The following ACACB variants were observed in gnomAD, a reference collection of about 807,000 sequenced individuals.
ACACB encodes acetyl-CoA carboxylase beta.
ACACB carries 209 observed loss-of-function variants against 278.8 expected under a neutral mutation model. The observed-to-expected ratio is 0.75, with a 90% CI of 0.67 to 0.84. The LOEUF is 0.84. Among genes scored for constraint, ACACB ranks in the 40% least tolerant of loss-of-function variants. The pLI is 0.00. For synonymous variants in ACACB, 1,174 were observed against 1,285.6 expected (o/e 0.91, Z 1.86); for missense variants, 2,850 against 3,269.0 (o/e 0.87, Z 3.13).
rs189667823 is a variant in ACACB at position 109,162,794 on chromosome 12, C to T, written c.654-4067C>T. 3.9e-3 allele frequency among the ~76,000 whole-genome samples: 593 copies of T among 152,298 alleles called. 6 individuals are homozygous for T. Among genetic ancestry groups the T allele is most frequent in the South Asian group, 8.1e-3 (39 of 4,816 alleles). Reference sequence around the variant, plus strand: ...CAAAGATACTGACTCAGGGGATCCCCAACGCACTCCTACCTCACCCTACAT... The same window carrying T: ...CAAAGATACTGACTCAGGGGATCCCTAACGCACTCCTACCTCACCCTACAT... On this transcript the variant is annotated intron_variant, in intron 2 of 52. Transcript: ENST00000338432.
At chr12:109,197,731 G>T (rs2045191265) in intron 17 of ACACB, among the ~76,000 whole-genome samples, 1 of 152,080 alleles carries the variant, frequency 6.6e-6, no homozygotes, top group Non-Finnish European at 1.5e-5. Flanking sequence ...CCTCCAGTGT[G>T]TCTGATCACC....
At chr12:109,146,028 T>A (rs1356291231) in intron 2 of ACACB, among the ~76,000 whole-genome samples, 1 of 152,052 alleles carries the variant, frequency 6.6e-6, no homozygotes, top group Non-Finnish European at 1.5e-5. Context: ...ATTATTATTA[T>A]TTTTTCTTGA....
At chr12:109,258,218 T>C (rs2047281184) in intron 45 of ACACB, 50 bp from the exon 46 acceptor site, 1 of 1,464,910 alleles carries the variant, frequency 6.8e-7, no homozygotes, top group South Asian at 1.2e-5. Flanking sequence ...GGTCCCCAAA[T>C]GCACCTGGGG....
chr12:109,168,098 C>T lies in ACACB; in HGVS notation c.925+64C>T, dbSNP rs559963888. 7 of 1,539,848 alleles carry T rather than the reference C, an allele frequency of 4.5e-6. No individual in the cohort carries two copies. In the South Asian group the frequency reaches 8.7e-5, roughly 19 times the overall value. ...TCCTTGCCTGCCCTCGCCTCCTTCC[C>T]CTGTGCCTAGGCAAGTCCATCCTGG... On this transcript the variant is annotated intron_variant, in intron 4 of 52. Coordinates refer to ENST00000338432, the MANE Select transcript of ACACB (RefSeq NM_001093.4).
intron 11 of ACACB, among the ~76,000 whole-genome samples, 191 bp downstream of exon 11, chr12:109,180,278 C>T (rs1307835859): frequency 6.6e-6 from 1 of 152,208 alleles, no homozygotes; most frequent in Non-Finnish European, 1.5e-5. Flanking sequence ...AATTTCAGGA[C>T]ATTCATAGAC....
intron 2 of ACACB, among the ~76,000 whole-genome samples, chr12:109,148,370 C>A (rs963049046): frequency 6.6e-6 from 1 of 152,158 alleles, no homozygotes; most frequent in African/African-American, 2.4e-5. Flanking sequence ...CACTCAGGTT[C>A]AAAGCTACCT....
Position 109,209,075 on chromosome 12 carries a change from A to T in ACACB, c.3061-90A>T, listed in dbSNP as rs1171053683. On this transcript the variant is annotated intron_variant, in intron 20 of 52. Coordinates refer to ENST00000338432, the MANE Select transcript of ACACB (RefSeq NM_001093.4). ...AGCCACTTGAGTGCATGGGGTCAGG[A>T]TGGGTTGAGCTGTGTTGGGTGCCCT... 5.7e-6 allele frequency: 8 copies of T among 1,410,150 alleles called. No homozygotes were observed. In the Admixed American group the frequency reaches 1.5e-4, roughly 26 times the overall value. 87.4% of individuals were successfully genotyped at this position (1,410,150 alleles called of 1,614,324 possible). A position where few individuals can be genotyped will look rare whatever the true frequency, so the allele number is the denominator to read the frequency against.
chr12:109,111,424 G>C, the ACACB span: 8 of 152,250 alleles, frequency 5.3e-5, no homozygotes, highest in African/African-American at 1.7e-4. Context: ...TGAGGCCAGG[G>C]CTCCAGGAAG....
In ACACB at chr12:109,139,409, G is replaced by T. The variant is rs757532146; in HGVS notation, c.4G>T (p.Val2Phe). 16 of 1,611,422 alleles carry T rather than the reference G, an allele frequency of 9.9e-6. No individual in the cohort carries two copies. The highest frequency in any genetic ancestry group is 1.4e-5 in the Non-Finnish European group (16 of 1,178,562). The change falls in exon 2 of 53, where the codon GTC becomes TTC. Residue 2 changes from valine to phenylalanine, a missense_variant. Physicochemically the swap from Val to Phe is conservative, Grantham distance 50 (BLOSUM62 -1). Around this residue, in one of 3 missense-constraint regions of ACACB, gnomAD observed 2,265 missense variants for 2,561.3 expected, o/e 0.88. Coordinates refer to ENST00000338432, the MANE Select transcript of ACACB (RefSeq NM_001093.4). M[V>F]LLLCLSCLIF... Reference sequence around the variant, plus strand: ...TTTCTCCTTACAGATTTTCTGAATGGTCTTGCTTCTTTGTCTATCTTGTCT... The same window carrying T: ...TTTCTCCTTACAGATTTTCTGAATGTTCTTGCTTCTTTGTCTATCTTGTCT...
At chr12:109,196,965 C>T (rs1307843524) in intron 16 of ACACB, 43 bp from the exon 17 acceptor site, 8 of 1,504,032 alleles carry the variant, frequency 5.3e-6, no homozygotes, top group East Asian at 2.6e-5. Context: ...GCTCTGGGAG[C>T]ACATCCTGAA....
intron 44 of ACACB, among the ~76,000 whole-genome samples, chr12:109,255,566 T>A (rs1205227025): frequency 1.3e-5 from 2 of 152,220 alleles, no homozygotes; most frequent in African/African-American, 4.8e-5. Flanking sequence ...CTGAGATGCC[T>A]CTTACTCTGG....
chr12:109,206,917 G>A lies in ACACB; in HGVS notation c.3060+61G>A, dbSNP rs191232998. 46 of 1,577,672 alleles carry A rather than the reference G, an allele frequency of 2.9e-5. No individual in the cohort carries two copies. The East Asian group carries it at 7.6e-4, about 26-fold the overall frequency. On this transcript the variant is annotated intron_variant, in intron 20 of 52. Transcript: ENST00000338432. ...TGCGGAGGGTCAGAAGATCTACCCC[G>A]TGACAGCAGAGGTCATTATTGAGTA...
intron 11 of ACACB, among the ~76,000 whole-genome samples, chr12:109,182,447 A>T (rs2044510541): frequency 6.6e-6 from 1 of 152,176 alleles, no homozygotes; most frequent in Non-Finnish European, 1.5e-5. Context: ...GGCTCACTGC[A>T]GTCTTGACCT....
chr12:109,206,206 C>T (rs925317763), intron 19 of ACACB, among the ~76,000 whole-genome samples: 1 of 151,970 alleles, frequency 6.6e-6, no homozygotes, highest in African/African-American at 2.4e-5. Context: ...GAGGCCAAGG[C>T]GGGCAGATCA....
At chr12:109,224,173 T>C (rs2046253511) in intron 27 of ACACB, among the ~76,000 whole-genome samples, 1 of 152,154 alleles carries the variant, frequency 6.6e-6, no homozygotes, top group Non-Finnish European at 1.5e-5. Flanking sequence ...TCCATGCTAG[T>C]TACCACTGCT....
intron 44 of ACACB, among the ~76,000 whole-genome samples, 173 bp downstream of exon 44, chr12:109,254,507 C>T (rs185719790): frequency 1.9e-4 from 28 of 151,312 alleles, no homozygotes; most frequent in African/African-American, 6.4e-4. Context: ...GGAGATTTTA[C>T]TCTAGGCTTT....
intron 1 of ACACB, among the ~76,000 whole-genome samples, chr12:109,133,240 T>TTCTCTCTCTCTC (rs55987918): frequency 6.7e-6 from 1 of 148,360 alleles, no homozygotes; most frequent in Non-Finnish European, 1.5e-5. Context: ...GCACTTCTCT[T>TTCTCTCTCTCTC]TCTCTCTCTC....
In ACACB at chr12:109,187,862, C is replaced by T. The variant is rs187327959; in HGVS notation, c.1981-137C>T. The T allele has an allele frequency of 4.2e-3, 3,531 of 844,170 alleles. 16 individuals are homozygous for T. The highest frequency in any genetic ancestry group is 5.7e-3 in the Non-Finnish European group (3,226 of 570,318). The allele number at this position is 844,170 out of a possible 1,614,324, so 52.3% of individuals were successfully genotyped here. On this transcript the variant is annotated intron_variant, in intron 12 of 52. Coordinates refer to ENST00000338432, the MANE Select transcript of ACACB (RefSeq NM_001093.4). The stretch of plus-strand genomic sequence containing the variant: ...TAGATACATCCATACCTGTAACAAG[C>T]GATATCAGTGTTCTATTGACTACCC...
Position 109,237,362 on chromosome 12 carries a change from C to T in ACACB, c.4644C>T (p.His1548=). 14 of 1,614,084 alleles carry T rather than the reference C, an allele frequency of 8.7e-6. No individual in the cohort carries two copies. Among genetic ancestry groups the T allele is most frequent in the Non-Finnish European group, 1.2e-5 (14 of 1,179,962 alleles). Reference sequence around the variant, plus strand: ...TCTTCATCCGCGCCATCATCAGGCACTCTGACCTGATCACAAAGGTAAGAT... The same window carrying T: ...TCTTCATCCGCGCCATCATCAGGCATTCTGACCTGATCACAAAGGTAAGAT... The part of the protein sequence containing the change: ...HRFFIRAIIR[H]SDLITKEASF... Residue 1548 remains histidine (H), a synonymous_variant, in exon 34 of 53, where the codon CAC becomes CAT. Coordinates refer to ENST00000338432, the MANE Select transcript of ACACB (RefSeq NM_001093.4).
Sources: gnomAD v4.1 joint callset for allele counts (sites outside exome capture counted in the v4.1 genomes callset) on GRCh38, gnomAD v4.1.1 for gene constraint, gnomAD v4.1.1 regional missense constraint, MANE v1.5 for transcripts, NCBI Gene and HGNC (gene_info 2026-07-23, HGNC 2026-07-21) for gene names.